VTI1A: variants seen among roughly 807,000 people sequenced by gnomAD.
VTI1A encodes the protein vesicle transport through interaction with t-SNAREs 1A, also known as vesicle transport through interaction with t-SNAREs homolog 1A.
Under a neutral mutation model 34.9 loss-of-function variants are expected in VTI1A, and 22 were observed. The ratio of observed to expected loss-of-function variants is 0.63; its 90% CI spans 0.45 to 0.90. VTI1A has a LOEUF of 0.90. VTI1A is among the 40% of genes least tolerant of loss of function. The probability of loss-of-function intolerance (pLI) is 0.00; values close to 1 mark genes in which losing one functional copy is unlikely to be tolerated. For synonymous variants in VTI1A, 87 were observed against 97.3 expected, an observed-to-expected ratio of 0.89 and a Z score of 0.62; for missense variants, 268 against 275.6, an observed-to-expected ratio of 0.97 and a Z score of 0.20.
intron 7 of VTI1A, among the ~76,000 whole-genome samples, chr10:112,684,277 T>C (rs1179026053): frequency 6.6e-6 from 1 of 152,206 alleles, no homozygotes; most frequent in African/African-American, 2.4e-5. Context: ...GTAATCATTA[T>C]TTATATGGTT....
chr10:112,792,264 G>A (rs1009144878), intron 7 of VTI1A, among the ~76,000 whole-genome samples: 24 of 152,282 alleles, frequency 1.6e-4, no homozygotes, highest in African/African-American at 5.5e-4. Flanking sequence ...GACAGTGCAA[G>A]AGAATCCATC....
At chr10:112,730,504 G>A (rs1253788975) in intron 7 of VTI1A, among the ~76,000 whole-genome samples, 4 of 152,164 alleles carry the variant, frequency 2.6e-5, no homozygotes, top group Non-Finnish European at 5.9e-5. Context: ...GCAGTTCACT[G>A]ACACATGGAG....
chr10:112,691,303 A>AATG (rs1848606931), intron 7 of VTI1A, among the ~76,000 whole-genome samples: 3 of 147,732 alleles, frequency 2.0e-5, no homozygotes, highest in African/African-American at 7.5e-5. Flanking sequence ...ATAAATAAAT[A>AATG]AATGAAAGTT....
At chr10:112,558,995 C>A (rs1297235279) in intron 5 of VTI1A, among the ~76,000 whole-genome samples, 1 of 152,144 alleles carries the variant, frequency 6.6e-6, no homozygotes, top group Non-Finnish European at 1.5e-5. Context: ...AAAAGTGTTT[C>A]TTTGAAGCCT....
At chr10:112,488,023 TTTGGC>T (rs1176654770) in intron 3 of VTI1A, among the ~76,000 whole-genome samples, 1 of 152,154 alleles carries the variant, frequency 6.6e-6, no homozygotes, top group East Asian at 1.9e-4. Flanking sequence ...GGGTAGTGAT[TTTGGC>T]TTATTGGGTC....
intron 5 of VTI1A, among the ~76,000 whole-genome samples, chr10:112,578,317 T>TG (rs1042901222): frequency 6.6e-6 from 1 of 151,464 alleles, no homozygotes; most frequent in Non-Finnish European, 1.5e-5. Flanking sequence ...GGATAGGAGG[T>TG]GGGGGGCAGG....
At chr10:112,718,297 A>G (rs1001169088) in intron 7 of VTI1A, among the ~76,000 whole-genome samples, 31 of 152,214 alleles carry the variant, frequency 2.0e-4, no homozygotes, top group Admixed American at 2.0e-4. Flanking sequence ...AGTTTGGTCA[A>G]TGGCATTTAG....
chr10:112,796,935 C>T (rs1852695939), intron 7 of VTI1A, among the ~76,000 whole-genome samples: 2 of 152,046 alleles, frequency 1.3e-5, no homozygotes, highest in Admixed American at 1.3e-4. Context: ...ATCTCATGAA[C>T]TGGTTTTTAT....
chr10:112,464,845 T>G (rs1211296298), intron 3 of VTI1A, 188 bp downstream of exon 3: 3 of 599,826 alleles, frequency 5.0e-6, no homozygotes, highest in Non-Finnish European at 8.8e-6. Flanking sequence ...TTAAGGTATG[T>G]TGGATTAATG....
intron 7 of VTI1A, among the ~76,000 whole-genome samples, chr10:112,747,996 G>T (rs1458557738): frequency 2.0e-5 from 3 of 152,102 alleles, no homozygotes; most frequent in Non-Finnish European, 4.4e-5. Flanking sequence ...ATGGGTCAAG[G>T]CGACAACAGG....
chr10:112,527,415 G>A, intron 4 of VTI1A: 1 of 298,418 alleles, frequency 3.4e-6, no homozygotes, highest in Non-Finnish European at 6.2e-6. Flanking sequence ...TTATTATTTA[G>A]TACTTAAGGA....
At chr10:112,825,816 T>G in the VTI1A span, 3 of 152,182 alleles carry the variant, frequency 2.0e-5, no homozygotes, top group Non-Finnish European at 4.4e-5. Flanking sequence ...CAAGGTATCC[T>G]CCTGAGAGAA....
chr10:112,518,827 A>T (rs1412792775), intron 3 of VTI1A, among the ~76,000 whole-genome samples: 2 of 151,854 alleles, frequency 1.3e-5, no homozygotes, highest in East Asian at 3.9e-4. Flanking sequence ...AGTAGGCAAG[A>T]TTTTATTTTA....
intron 3 of VTI1A, among the ~76,000 whole-genome samples, chr10:112,505,485 C>T (rs996204764): frequency 6.6e-6 from 1 of 152,104 alleles, no homozygotes; most frequent in African/African-American, 2.4e-5. Flanking sequence ...TTTTACTAAT[C>T]TAATTATGTT....
intron 7 of VTI1A, among the ~76,000 whole-genome samples, chr10:112,759,713 C>A (rs1590159715): frequency 6.6e-6 from 1 of 152,268 alleles, no homozygotes; most frequent in East Asian, 1.9e-4. Flanking sequence ...TTCAAAGGAA[C>A]TGCATGCTTT....
At chr10:112,600,662 C>G (rs1277317120) in intron 5 of VTI1A, among the ~76,000 whole-genome samples, 1 of 152,152 alleles carries the variant, frequency 6.6e-6, no homozygotes, top group African/African-American at 2.4e-5. Flanking sequence ...GGTTTATTGT[C>G]TTTTCTTCCC....
At chr10:112,829,478 C>T in the VTI1A span, among the ~76,000 whole-genome samples, 3 of 137,008 alleles carry the variant, frequency 2.2e-5, no homozygotes, top group Admixed American at 7.5e-5. Flanking sequence ...TGGCTGGGCA[C>T]GGTGGCTCAC....
chr10:112,700,311 A>G (rs1030697027), intron 7 of VTI1A, among the ~76,000 whole-genome samples: 1 of 152,146 alleles, frequency 6.6e-6, no homozygotes, highest in African/African-American at 2.4e-5. Context: ...GCTATGTCAC[A>G]AGGGTAAGTA....
chr10:112,827,430 T>A, the VTI1A span: 1 of 152,222 alleles, frequency 6.6e-6, no homozygotes, highest in Admixed American at 6.5e-5. Context: ...TGTTACTAAT[T>A]TTTGTTAACG....
Sources: gnomAD v4.1 joint callset for allele counts (sites outside exome capture counted in the v4.1 genomes callset) on GRCh38, gnomAD v4.1.1 for gene constraint, MANE v1.5 for transcripts, NCBI Gene and HGNC (gene_info 2026-07-23, HGNC 2026-07-21) for gene names.